MORF4L1: variants seen among roughly 807,000 people sequenced by gnomAD.
MORF4L1 encodes mortality factor 4-like protein 1.
A neutral mutation model predicts 52.9 loss-of-function variants in MORF4L1; 4 were observed. The ratio of observed to expected loss-of-function variants is 0.08; its 90% CI spans 0.04 to 0.17. MORF4L1 has a LOEUF of 0.17. MORF4L1 is among the 10% of genes least tolerant of loss of function. The pLI is 1.00. For missense variants in MORF4L1, 214 were observed against 390.4 expected (o/e 0.55, Z 3.81); for synonymous variants, 123 against 134.8 (o/e 0.91, Z 0.61).
chr15:78,874,826 TTAATC>T (rs917312526), intron 1 of MORF4L1, among the ~76,000 whole-genome samples: 3 of 151,262 alleles, frequency 2.0e-5, no homozygotes, highest in African/African-American at 7.3e-5. Flanking sequence ...GCAGATATTC[TTAATC>T]TAGAGTCAGT....
At chr15:78,874,132 T>C (rs1417166521) in intron 1 of MORF4L1, among the ~76,000 whole-genome samples, 1 of 138,516 alleles carries the variant, frequency 7.2e-6, no homozygotes, top group Non-Finnish European at 1.6e-5. Context: ...GGAGGTCTAA[T>C]AGCTAAAAAG....
Position 78,880,597 on chromosome 15 carries a change from C to G in MORF4L1, c.155+18C>G, listed in dbSNP as rs747197159. On this transcript the variant is annotated intron_variant, in intron 3 of 11. Transcript: ENST00000426013. Reference sequence around the variant, plus strand: ...AATAAAAAGTGAGTATTAGATCTTACAATTCTATTTGTAATTAACAAGATA... The same window carrying G: ...AATAAAAAGTGAGTATTAGATCTTAGAATTCTATTTGTAATTAACAAGATA... 8 of 1,535,752 alleles carry G rather than the reference C, an allele frequency of 5.2e-6. No individual in the cohort carries two copies. Among genetic ancestry groups the G allele is most frequent in the Middle Eastern group, 3.4e-4 (2 of 5,862 alleles).
intron 1 of MORF4L1, among the ~76,000 whole-genome samples, chr15:78,873,385 A>G (rs2056408160): frequency 7.1e-6 from 1 of 140,266 alleles, no homozygotes; most frequent in Non-Finnish European, 1.5e-5. Flanking sequence ...CGGGAGCGCC[A>G]TGGCGGCGGT....
intron 11 of MORF4L1, 97 bp downstream of exon 11, chr15:78,895,001 G>C (rs2056863050): frequency 8.4e-6 from 8 of 957,446 alleles, no homozygotes; most frequent in Non-Finnish European, 3.3e-6. Context: ...ACATTATATT[G>C]GTACAGGCAT....
chr15:78,880,085 C>T (rs1202439920), intron 2 of MORF4L1, among the ~76,000 whole-genome samples: 2 of 152,316 alleles, frequency 1.3e-5, no homozygotes, highest in African/African-American at 2.4e-5. Context: ...CATTGCTTTA[C>T]AAGTTGTTTA....
At chr15:78,887,419 G>A in intron 5 of MORF4L1, 70 bp downstream of exon 5, 1 of 1,366,568 alleles carries the variant, frequency 7.3e-7, no homozygotes, top group Non-Finnish European at 1.0e-6. Flanking sequence ...TTGTGTGTTA[G>A]ACTGTGTTGA....
chr15:78,888,974 CTA>C (rs1853927399), intron 5 of MORF4L1, among the ~76,000 whole-genome samples: 1 of 151,998 alleles, frequency 6.6e-6, no homozygotes, highest in African/African-American at 2.4e-5. Context: ...GTAATTTTCT[CTA>C]TATAGAAAAG....
At chr15:78,873,421 G>T (rs1284979334) in intron 1 of MORF4L1, among the ~76,000 whole-genome samples, 1 of 152,134 alleles carries the variant, frequency 6.6e-6, no homozygotes, top group African/African-American at 2.4e-5. Context: ...GGCGGCGGGG[G>T]GGGAGGGGCG....
intron 5 of MORF4L1, among the ~76,000 whole-genome samples, chr15:78,890,091 G>C (rs1364637290): frequency 6.6e-6 from 1 of 152,056 alleles, no homozygotes; most frequent in Non-Finnish European, 1.5e-5. Flanking sequence ...GTGGTGGTGG[G>C]TGCCTATGGT....
chr15:78,874,295 G>A (rs2056435892), intron 1 of MORF4L1, among the ~76,000 whole-genome samples: 1 of 152,168 alleles, frequency 6.6e-6, no homozygotes, highest in African/African-American at 2.4e-5. Context: ...TTTTAGAGCC[G>A]TAAACCTCAA....
chr15:78,875,412 A>G (rs2056466428), intron 1 of MORF4L1, among the ~76,000 whole-genome samples: 1 of 152,214 alleles, frequency 6.6e-6, no homozygotes, highest in African/African-American at 2.4e-5. Flanking sequence ...TGTATTTAAC[A>G]TTACTTTCCA....
chr15:78,893,250 C>T (rs975005387), intron 8 of MORF4L1, among the ~76,000 whole-genome samples: 1 of 152,148 alleles, frequency 6.6e-6, no homozygotes, highest in Admixed American at 6.5e-5. Flanking sequence ...GCTGTTCTGT[C>T]TAGTAGAGTC....
chr15:78,896,086 C>G (rs2056883087), intron 11 of MORF4L1, among the ~76,000 whole-genome samples: 1 of 152,054 alleles, frequency 6.6e-6, no homozygotes, highest in Non-Finnish European at 1.5e-5. Flanking sequence ...TCAAACGATT[C>G]TTGGGCCTCA....
intron 5 of MORF4L1, among the ~76,000 whole-genome samples, chr15:78,888,324 G>A (rs930387836): frequency 6.6e-6 from 1 of 151,912 alleles, no homozygotes; most frequent in South Asian, 2.1e-4. Flanking sequence ...AAATTAGCTC[G>A]GGGGTGGTGG....
At chr15:78,874,595 T>C (rs2141583307) in intron 1 of MORF4L1, among the ~76,000 whole-genome samples, 1 of 146,680 alleles carries the variant, frequency 6.8e-6, no homozygotes, top group Admixed American at 6.8e-5. Flanking sequence ...TTTTTTTTTT[T>C]TTTTTTTGTA....
Position 78,897,112 on chromosome 15 carries a change from T to G in MORF4L1, c.*45T>G, listed in dbSNP as rs369246418. On this transcript the variant is annotated 3_prime_UTR_variant, in exon 12 of 12. Coordinates refer to ENST00000426013, the MANE Select transcript of MORF4L1 (RefSeq NM_006791.4). The stretch of plus-strand genomic sequence containing the variant: ...ATGTTTGGATCTCCGTAAACACATT[T>G]TTGTTCTTAGTCTATCTCTTGTACA... 6.8e-7 allele frequency: 1 copy of G among 1,472,542 alleles called. No homozygotes were observed. Among genetic ancestry groups the G allele is most frequent in the Non-Finnish European group, 9.5e-7 (1 of 1,054,618 alleles). The allele number at this position is 1,472,542 out of a possible 1,614,324, so 91.2% of individuals were successfully genotyped here.
intron 3 of MORF4L1, among the ~76,000 whole-genome samples, chr15:78,884,693 C>G (rs1401453621): frequency 1.4e-5 from 2 of 143,000 alleles, no homozygotes; most frequent in Non-Finnish European, 3.0e-5. Context: ...ACACAAATAT[C>G]TCAAAAATAA....
chr15:78,881,736 A>G (rs1365802627), intron 3 of MORF4L1, among the ~76,000 whole-genome samples: 1 of 152,186 alleles, frequency 6.6e-6, no homozygotes, highest in African/African-American at 2.4e-5. Flanking sequence ...ACATTTTATT[A>G]ATGATGCCTT....
chr15:78,894,421 T>G, intron 10 of MORF4L1, 191 bp downstream of exon 10: 1 of 419,090 alleles, frequency 2.4e-6, no homozygotes, highest in Non-Finnish European at 3.8e-6. Flanking sequence ...TTATAATTTT[T>G]TTTTTTTGAG....
Sources: allele counts gnomAD v4.1 joint callset (sites outside exome capture counted in the v4.1 genomes callset), GRCh38; gene constraint gnomAD v4.1.1; transcripts MANE v1.5; gene names NCBI Gene and HGNC (gene_info 2026-07-23, HGNC 2026-07-21).